The following C16orf96 variants were observed in gnomAD, a reference collection of about 807,000 sequenced individuals.
C16orf96 encodes the protein uncharacterized protein C16orf96.
Under a neutral mutation model 103.6 loss-of-function variants are expected in C16orf96, and 108 were observed. The observed-to-expected ratio is 1.04, with a 90% CI of 0.89 to 1.22. The LOEUF (loss-of-function observed/expected upper bound fraction) is 1.22. Ranked by LOEUF, C16orf96 falls within the 50% of genes most tolerant of loss-of-function variation. C16orf96 has a pLI of 0.00. For missense variants in C16orf96, 1,586 were observed against 1,464.2 expected, an observed-to-expected ratio of 1.08 and a Z score of -1.36; for synonymous variants, 566 against 593.5, an observed-to-expected ratio of 0.95 and a Z score of 0.67.
chr16:4,556,905 C>G lies in C16orf96; in HGVS notation c.416C>G (p.Ala139Gly), dbSNP rs2059270564. The G allele has an allele frequency of 6.5e-7, 1 of 1,539,072 alleles. No homozygotes were observed. Among genetic ancestry groups the G allele is most frequent in the Non-Finnish European group, 8.8e-7 (1 of 1,137,602 alleles). ...GTGGAGGGTCATGATGAAGTCATGG[C>G]CAAGGTACGCCCCCAGCCTCCAGAC... ...KMVEGHDEVM[A>G]KSMQTLQDLL... The change falls in exon 1 of 16, where the codon GCC becomes GGC. Residue 139 changes from alanine (A) to glycine (G), a missense_variant. By Grantham distance (60) the Ala-to-Gly change is moderately conservative (BLOSUM62 0). Transcript: ENST00000444310.
intron 9 of C16orf96, among the ~76,000 whole-genome samples, chr16:4,590,500 A>G (rs925292771): frequency 6.6e-6 from 1 of 151,872 alleles, no homozygotes; most frequent in African/African-American, 2.4e-5. Context: ...TGGAGGTTGC[A>G]GTGAGCCAAG....
chr16:4,574,957 A>T lies in C16orf96; in HGVS notation c.607-15A>T. On this transcript the variant is annotated splice_polypyrimidine_tract_variant and intron_variant, in intron 3 of 15. Coordinates refer to ENST00000444310, the MANE Select transcript of C16orf96 (RefSeq NM_001145011.2). ...TCCAGGCTCACAGCCCTCATTTTCT[A>T]CCCCCACCTTGCAGGCTTCTCTCCA... 1 of 1,550,072 alleles carries T rather than the reference A, an allele frequency of 6.5e-7. No homozygotes were observed. Among genetic ancestry groups the T allele is most frequent in the East Asian group, 2.4e-5 (1 of 40,884 alleles).
rs556716203 is a variant in C16orf96 at position 4,579,685 on chromosome 16, C to T, written c.2242-330C>T. Among the ~76,000 whole-genome samples, 24 of 150,712 alleles carry T rather than the reference C, an allele frequency of 1.6e-4. 1 individual carries two copies. Among genetic ancestry groups the T allele is most frequent in the African/African-American group, 4.4e-4 (18 of 41,042 alleles). On this transcript the variant is annotated intron_variant, in intron 6 of 15. Coordinates refer to ENST00000444310, the MANE Select transcript of C16orf96 (RefSeq NM_001145011.2). The stretch of plus-strand genomic sequence containing the variant: ...GGAGTGCAGTGGCGTGACCTCAGCT[C>T]GCTGCAACCTCTGCCTCCTGGGTTC...
intron 3 of C16orf96, 23 bp from the exon 4 acceptor site, chr16:4,574,949 C>A (rs376298041): frequency 6.5e-7 from 1 of 1,549,538 alleles, no homozygotes; most frequent in African/African-American, 1.4e-5. Flanking sequence ...TCACAGCCCT[C>A]ATTTTCTACC....
intron 2 of C16orf96, among the ~76,000 whole-genome samples, chr16:4,572,515 A>G (rs926657433): frequency 2.0e-5 from 3 of 150,454 alleles, no homozygotes; most frequent in African/African-American, 7.3e-5. Flanking sequence ...GTTAGCCAGG[A>G]TGGTCTCAAT....
chr16:4,577,021 G>A (rs550597762), intron 5 of C16orf96, among the ~76,000 whole-genome samples: 116 of 151,970 alleles, frequency 7.6e-4, no homozygotes, highest in African/African-American at 2.8e-3. Context: ...GAGAAACCCC[G>A]TCTCTACTAA....
At chr16:4,566,641 GC>G (rs1441823320) in intron 1 of C16orf96, among the ~76,000 whole-genome samples, 1 of 152,002 alleles carries the variant, frequency 6.6e-6, no homozygotes, top group Non-Finnish European at 1.5e-5. Context: ...TCATTTTCTT[GC>G]TGGTGTCTTT....
At chr16:4,578,749 T>G (rs1254888454) in intron 5 of C16orf96, among the ~76,000 whole-genome samples, 191 bp from the exon 6 acceptor site, 4 of 151,938 alleles carry the variant, frequency 2.6e-5, no homozygotes, top group African/African-American at 9.7e-5. Flanking sequence ...AGAGCGAGAT[T>G]CCATCTCAAA....
At chr16:4,583,279 T>G (rs1445784537) in intron 7 of C16orf96, among the ~76,000 whole-genome samples, 2 of 151,624 alleles carry the variant, frequency 1.3e-5, no homozygotes, top group African/African-American at 4.9e-5. Context: ...GGCAGGAGGA[T>G]CCCTTGAGGC....
At position 4,589,996 on chromosome 16, in the gene C16orf96, G is replaced by A. The variant is rs186755897; in HGVS notation, c.2592+1665G>A. ...CAAAAATTAGCCAGGCCTGGTGGCG[G>A]GCGCCTGTAGTCCCAGCTACTTGGG... On this transcript the variant is annotated intron_variant, in intron 9 of 15. Transcript: ENST00000444310. Among the ~76,000 whole-genome samples, 156 of 152,150 alleles carry A rather than the reference G, an allele frequency of 1.0e-3. 1 individual carries two copies. The highest frequency in any genetic ancestry group is 2.9e-3 in the African/African-American group (120 of 41,514).
chr16:4,585,212 G>T (rs1896892560), intron 7 of C16orf96, among the ~76,000 whole-genome samples: 1 of 150,872 alleles, frequency 6.6e-6, no homozygotes, highest in African/African-American at 2.4e-5. Flanking sequence ...CAGCACTTTG[G>T]GAGGCTGATG....
At chr16:4,597,546 T>G (rs942354198) in intron 14 of C16orf96, among the ~76,000 whole-genome samples, 32 of 151,278 alleles carry the variant, frequency 2.1e-4, no homozygotes, top group African/African-American at 7.8e-4. Context: ...CATGATGGCG[T>G]CAACTGCTTC....
At chr16:4,582,108 C>T (rs1320416761) in intron 7 of C16orf96, among the ~76,000 whole-genome samples, 3 of 151,940 alleles carry the variant, frequency 2.0e-5, no homozygotes, top group Non-Finnish European at 4.4e-5. Flanking sequence ...ATAGTGAAAC[C>T]CCGTCTCTAC....
intron 2 of C16orf96, among the ~76,000 whole-genome samples, chr16:4,572,412 G>A (rs1479640365): frequency 2.0e-5 from 3 of 146,610 alleles, no homozygotes; most frequent in Non-Finnish European, 4.5e-5. Flanking sequence ...CCATTCTCCT[G>A]TCTCAGCCTC....
chr16:4,575,944 C>A lies in C16orf96; in HGVS notation c.1464C>A (p.Val488=). 2 of 1,550,078 alleles carry A rather than the reference C, an allele frequency of 1.3e-6. No individual in the cohort carries two copies. The highest frequency in any genetic ancestry group is 1.7e-6 in the Non-Finnish European group (2 of 1,146,274). ...AGGATAGAACTCGCAAGGATGGGGTCCCCAAAGATAGAGGTGGCAAGGATG... is the reference window on the plus strand; with the variant it reads ...AGGATAGAACTCGCAAGGATGGGGTACCCAAAGATAGAGGTGGCAAGGATG... ...APKDRTRKDG[V]PKDRGGKDVD... Residue 488 remains valine (V), a synonymous_variant, in exon 5 of 16, where the codon GTC becomes GTA. Coordinates refer to ENST00000444310, the MANE Select transcript of C16orf96 (RefSeq NM_001145011.2).
chr16:4,598,879 A>G (rs1470975352), intron 14 of C16orf96, among the ~76,000 whole-genome samples: 1 of 152,046 alleles, frequency 6.6e-6, no homozygotes, highest in Non-Finnish European at 1.5e-5. Context: ...CCACTTTGGG[A>G]GGTCAAGGTG....
the C16orf96 span, among the ~76,000 whole-genome samples, chr16:4,544,949 C>A: frequency 5.9e-5 from 9 of 152,296 alleles, no homozygotes; most frequent in South Asian, 1.7e-3. Flanking sequence ...CCAGCAGTCC[C>A]ACTCCTAGGA....
chr16:4,565,563 A>T (rs190597591), intron 1 of C16orf96, among the ~76,000 whole-genome samples: 1 of 152,330 alleles, frequency 6.6e-6, no homozygotes, highest in Non-Finnish European at 1.5e-5. Context: ...GTCTCAGCTC[A>T]CTGCAACCTC....
chr16:4,543,013 G>A, the C16orf96 span, among the ~76,000 whole-genome samples: 37 of 152,100 alleles, frequency 2.4e-4, no homozygotes, highest in African/African-American at 8.7e-4. Context: ...TCTAGGCCTG[G>A]AAATACACAA....
Sources: gnomAD v4.1 joint callset for allele counts (sites outside exome capture counted in the v4.1 genomes callset) on GRCh38, gnomAD v4.1.1 for gene constraint, MANE v1.5 for transcripts, NCBI Gene and HGNC (gene_info 2026-07-23, HGNC 2026-07-21) for gene names.